The following CLIC5 variants were observed in gnomAD, a reference collection of about 807,000 sequenced individuals.
The protein encoded by CLIC5 is CLIC family member 5.
In CLIC5, 20 loss-of-function variants were observed where a neutral mutation model predicts 24.7. The ratio of observed to expected loss-of-function variants is 0.81; its 90% CI spans 0.57 to 1.18. The LOEUF (loss-of-function observed/expected upper bound fraction) is 1.18. CLIC5 is among the 50% of genes most tolerant of loss of function. The probability of loss-of-function intolerance (pLI) is 0.00; values close to 1 mark genes in which losing one functional copy is unlikely to be tolerated. For missense variants in CLIC5, 341 were observed against 326.1 expected, an observed-to-expected ratio of 1.05 and a Z score of -0.35; for synonymous variants, 159 against 135.6, an observed-to-expected ratio of 1.17 and a Z score of -1.20.
chr6:45,974,644 G>A (rs898246182), intron 1 of CLIC5, among the ~76,000 whole-genome samples: 9 of 150,956 alleles, frequency 6.0e-5, no homozygotes, highest in African/African-American at 2.2e-4. Flanking sequence ...TCTTCAGGTG[G>A]GTGCATTCAA....
At chr6:45,908,937 T>G (rs192872198) in intron 5 of CLIC5, among the ~76,000 whole-genome samples, 221 of 152,318 alleles carry the variant, frequency 1.5e-3, no homozygotes, top group African/African-American at 5.2e-3. Flanking sequence ...AGTACTTGTT[T>G]TGTGAACCTG....
chr6:45,934,604 G>A (rs1048752344), intron 4 of CLIC5, among the ~76,000 whole-genome samples: 1 of 152,256 alleles, frequency 6.6e-6, no homozygotes, highest in East Asian at 1.9e-4. Flanking sequence ...CTCACTAGGG[G>A]AAAGGGAGTC....
At chr6:46,009,166 A>G (rs2127440702) in intron 1 of CLIC5, among the ~76,000 whole-genome samples, 1 of 151,852 alleles carries the variant, frequency 6.6e-6, no homozygotes, top group African/African-American at 2.4e-5. Context: ...GCATGGGAAG[A>G]GTCTTTGAAT....
chr6:46,034,248 T>C (rs1767600320), intron 1 of CLIC5, among the ~76,000 whole-genome samples: 1 of 152,220 alleles, frequency 6.6e-6, no homozygotes, highest in South Asian at 2.1e-4. Context: ...GTCTGGCATG[T>C]GGCCTGGACA....
intron 1 of CLIC5, among the ~76,000 whole-genome samples, chr6:46,045,074 C>G (rs951262145): frequency 1.3e-5 from 2 of 152,156 alleles, no homozygotes; most frequent in Non-Finnish European, 2.9e-5. Context: ...CACACCCGCT[C>G]TCCTCTGAGA....
intron 4 of CLIC5, among the ~76,000 whole-genome samples, chr6:45,927,233 G>T (rs182787269): frequency 6.6e-6 from 1 of 152,080 alleles, no homozygotes; most frequent in Non-Finnish European, 1.5e-5. Context: ...CTGGGGTCTG[G>T]GGTGACAATG....
chr6:45,912,274 G>A, intron 5 of CLIC5: 1 of 999,270 alleles, frequency 1.0e-6, no homozygotes. Context: ...TAGGGGCCAA[G>A]GGCTGGCCTT....
At chr6:46,033,935 G>T (rs1433785956) in intron 1 of CLIC5, among the ~76,000 whole-genome samples, 1 of 152,150 alleles carries the variant, frequency 6.6e-6, no homozygotes, top group Non-Finnish European at 1.5e-5. Context: ...AATACAAGAG[G>T]TTATTATTTT....
chr6:46,047,210 A>T (rs1767978296), intron 1 of CLIC5, among the ~76,000 whole-genome samples: 1 of 152,188 alleles, frequency 6.6e-6, no homozygotes, highest in Non-Finnish European at 1.5e-5. Flanking sequence ...GGGAAGTTAA[A>T]TTAGGCATAT....
At chr6:45,924,790 C>T (rs1763412268) in intron 4 of CLIC5, among the ~76,000 whole-genome samples, 1 of 151,904 alleles carries the variant, frequency 6.6e-6, no homozygotes, top group East Asian at 1.9e-4. Flanking sequence ...TTCAGGGTAG[C>T]AATGTGCCCT....
At chr6:46,094,889 C>T in the CLIC5 span, among the ~76,000 whole-genome samples, 14 of 152,222 alleles carry the variant, frequency 9.2e-5, no homozygotes, top group Admixed American at 2.0e-4. Context: ...AGAGGTTCTC[C>T]CTGAGGGCTC....
At chr6:46,111,078 G>T in the CLIC5 span, among the ~76,000 whole-genome samples, 1 of 151,974 alleles carries the variant, frequency 6.6e-6, no homozygotes, top group Non-Finnish European at 1.5e-5. Flanking sequence ...CCTACAATTT[G>T]GGCTGAACCC....
chr6:46,115,780 C>A, the CLIC5 span, among the ~76,000 whole-genome samples: 2 of 152,216 alleles, frequency 1.3e-5, no homozygotes, highest in African/African-American at 4.8e-5. Flanking sequence ...ATGTGTCTAA[C>A]AAAACCAGTT....
At chr6:46,007,889 T>C (rs1160115205) in intron 1 of CLIC5, among the ~76,000 whole-genome samples, 1 of 150,338 alleles carries the variant, frequency 6.7e-6, no homozygotes, top group Non-Finnish European at 1.5e-5. Flanking sequence ...TTTGTTTGTT[T>C]GTTTTTTCCT....
chr6:45,947,041 G>A (rs1420103929), intron 3 of CLIC5, among the ~76,000 whole-genome samples: 1 of 152,234 alleles, frequency 6.6e-6, no homozygotes, highest in Non-Finnish European at 1.5e-5. Flanking sequence ...GTGGAGAGGA[G>A]GGAGTGGAGG....
chr6:45,974,074 TAATAAGA>T (rs1765294264), intron 1 of CLIC5, among the ~76,000 whole-genome samples: 1 of 152,196 alleles, frequency 6.6e-6, no homozygotes, highest in Non-Finnish European at 1.5e-5. Flanking sequence ...AATGACAAAG[TAATAAGA>T]ACAGTGTGAT....
intron 1 of CLIC5, among the ~76,000 whole-genome samples, chr6:46,044,948 C>G (rs533149134): frequency 1.3e-5 from 2 of 152,034 alleles, no homozygotes; most frequent in Non-Finnish European, 2.9e-5. Context: ...GTGTTTGAGG[C>G]CTTCATTCTT....
intron 1 of CLIC5, among the ~76,000 whole-genome samples, chr6:45,983,996 A>T (rs1410645379): frequency 6.6e-6 from 1 of 152,222 alleles, no homozygotes; most frequent in African/African-American, 2.4e-5. Context: ...TGTCCAGCAC[A>T]TAGTAGGGCC....
chr6:46,063,903 T>C (rs1254560183), intron 1 of CLIC5, among the ~76,000 whole-genome samples: 1 of 152,216 alleles, frequency 6.6e-6, no homozygotes, highest in East Asian at 1.9e-4. Flanking sequence ...CTTAACTATA[T>C]CCCAGAATGA....
Sources: allele counts gnomAD v4.1 joint callset (sites outside exome capture counted in the v4.1 genomes callset), GRCh38; gene constraint gnomAD v4.1.1; transcripts MANE v1.5; gene names NCBI Gene and HGNC (gene_info 2026-07-23, HGNC 2026-07-21).